The following ROBO2 variants were observed in gnomAD, a reference collection of about 807,000 sequenced individuals.
ROBO2 encodes roundabout homolog 2.
Under a neutral mutation model 160.8 loss-of-function variants are expected in ROBO2, and 53 were observed. The ratio of observed to expected loss-of-function variants is 0.33; its 90% CI spans 0.26 to 0.41. The LOEUF is 0.41. Among genes scored for constraint, ROBO2 ranks in the 10% least tolerant of loss-of-function variants. ROBO2 has a pLI of 1.00. For missense variants in ROBO2, 1,577 were observed against 1,722.4 expected, an observed-to-expected ratio of 0.92 and a Z score of 1.49; for synonymous variants, 664 against 611.7, an observed-to-expected ratio of 1.09 and a Z score of -1.26.
chr3:76,800,097 G>GT (rs2064084347), intron 2 of ROBO2, among the ~76,000 whole-genome samples: 1 of 152,070 alleles, frequency 6.6e-6, no homozygotes, highest in Non-Finnish European at 1.5e-5. Flanking sequence ...TTTTGACAAA[G>GT]GTGTCAAGAA....
chr3:76,316,661 G>A (rs996628743), intron 2 of ROBO2, among the ~76,000 whole-genome samples: 1 of 152,128 alleles, frequency 6.6e-6, no homozygotes, highest in Admixed American at 6.5e-5. Flanking sequence ...TTAAAGTAAA[G>A]ACAGGCATAA....
chr3:77,070,779 C>A (rs2067326501), intron 1 of ROBO2, among the ~76,000 whole-genome samples: 1 of 152,118 alleles, frequency 6.6e-6, no homozygotes, highest in Non-Finnish European at 1.5e-5. Flanking sequence ...AGTAGCACAA[C>A]TTGATTTACA....
At chr3:77,124,267 A>G (rs1020275750) in intron 2 of ROBO2, among the ~76,000 whole-genome samples, 18 of 152,182 alleles carry the variant, frequency 1.2e-4, no homozygotes, top group African/African-American at 3.9e-4. Context: ...TGTCTTTTGA[A>G]TGGAACAAAA....
intron 2 of ROBO2, among the ~76,000 whole-genome samples, chr3:77,265,394 TA>T (rs2153345411): frequency 6.6e-6 from 1 of 152,312 alleles, no homozygotes; most frequent in African/African-American, 2.4e-5. Flanking sequence ...ACATCTGTTT[TA>T]AAACTCAATG....
chr3:77,640,143 G>A (rs1173906316), intron 24 of ROBO2, among the ~76,000 whole-genome samples: 9 of 106,682 alleles, frequency 8.4e-5, no homozygotes, highest in African/African-American at 1.5e-4. Flanking sequence ...ACGGAGTCTC[G>A]CTCTATCCGC....
At chr3:77,530,445 T>C (rs1469428646) in intron 6 of ROBO2, among the ~76,000 whole-genome samples, 1 of 152,010 alleles carries the variant, frequency 6.6e-6, no homozygotes, top group African/African-American at 2.4e-5. Flanking sequence ...GCGATGCATT[T>C]GTGTTAAAGA....
At chr3:77,611,348 GT>G (rs1421484346) in intron 21 of ROBO2, among the ~76,000 whole-genome samples, 1 of 151,780 alleles carries the variant, frequency 6.6e-6, no homozygotes, top group Non-Finnish European at 1.5e-5. Context: ...CTAAGAAGAC[GT>G]TTTGAAGCCA....
At chr3:75,954,012 T>G (rs748899699) in intron 2 of ROBO2, among the ~76,000 whole-genome samples, 2 of 151,854 alleles carry the variant, frequency 1.3e-5, no homozygotes, top group Admixed American at 6.6e-5. Flanking sequence ...TCATTCCAAT[T>G]GTCTCTATAG....
intron 2 of ROBO2, among the ~76,000 whole-genome samples, chr3:77,400,938 T>G (rs1209631971): frequency 6.6e-6 from 1 of 152,156 alleles, no homozygotes; most frequent in Non-Finnish European, 1.5e-5. Context: ...TCGAAGTCAG[T>G]TTTAACATTA....
At chr3:77,008,741 A>T (rs1419777792) in intron 2 of ROBO2, among the ~76,000 whole-genome samples, 1 of 152,120 alleles carries the variant, frequency 6.6e-6, no homozygotes, top group African/African-American at 2.4e-5. Flanking sequence ...AAAATTAGAG[A>T]CTTGTTTCAG....
intron 2 of ROBO2, among the ~76,000 whole-genome samples, chr3:77,213,269 C>G (rs1016720951): frequency 2.0e-5 from 3 of 152,052 alleles, no homozygotes; most frequent in Non-Finnish European, 4.4e-5. Context: ...TGTTATTGGT[C>G]TATTCAGAGA....
chr3:76,476,078 C>T (rs927562950), intron 2 of ROBO2, among the ~76,000 whole-genome samples: 6 of 152,092 alleles, frequency 3.9e-5, no homozygotes, highest in African/African-American at 7.2e-5. Flanking sequence ...ACTTAAACCC[C>T]GGAGGTGGAG....
chr3:76,662,551 T>G (rs945758641), intron 2 of ROBO2, among the ~76,000 whole-genome samples: 2 of 152,084 alleles, frequency 1.3e-5, no homozygotes, highest in East Asian at 3.9e-4. Flanking sequence ...AAATAAACAT[T>G]ACAGTCAAAG....
intron 2 of ROBO2, among the ~76,000 whole-genome samples, chr3:75,966,190 T>C (rs1253881035): frequency 6.6e-6 from 1 of 151,750 alleles, no homozygotes; most frequent in African/African-American, 2.4e-5. Context: ...AAGTAATGAC[T>C]CAAATTGGTT....
At chr3:75,993,845 CT>C (rs1451398253) in intron 2 of ROBO2, among the ~76,000 whole-genome samples, 5 of 152,300 alleles carry the variant, frequency 3.3e-5, no homozygotes, top group African/African-American at 1.2e-4. Context: ...CAGCTATTCT[CT>C]TTCTCATATG....
intron 2 of ROBO2, among the ~76,000 whole-genome samples, chr3:76,682,401 A>G (rs946271088): frequency 1.5e-5 from 2 of 137,592 alleles, no homozygotes; most frequent in Admixed American, 7.4e-5. Context: ...AACTGTTCTA[A>G]AAATAGTCTA....
intron 2 of ROBO2, among the ~76,000 whole-genome samples, chr3:77,011,327 T>C (rs1042028680): frequency 6.6e-6 from 1 of 152,142 alleles, no homozygotes; most frequent in Non-Finnish European, 1.5e-5. Context: ...ATACGTCAAA[T>C]GAATAAATGT....
At chr3:76,131,912 A>G (rs1413737928) in intron 2 of ROBO2, among the ~76,000 whole-genome samples, 2 of 152,142 alleles carry the variant, frequency 1.3e-5, no homozygotes, top group African/African-American at 4.8e-5. Flanking sequence ...AGTGACTCAA[A>G]TTAGGAAAAT....
At chr3:76,865,446 G>A (rs370128774) in intron 2 of ROBO2, among the ~76,000 whole-genome samples, 16 of 152,216 alleles carry the variant, frequency 1.1e-4, no homozygotes, top group East Asian at 7.7e-4. Context: ...GTAACAAGCA[G>A]TTTGTGGACT....
Sources: gnomAD v4.1 joint callset for allele counts (sites outside exome capture counted in the v4.1 genomes callset) on GRCh38, gnomAD v4.1.1 for gene constraint, MANE v1.5 for transcripts, NCBI Gene and HGNC (gene_info 2026-07-23, HGNC 2026-07-21) for gene names.